Variants in CDC42BPB observed in about 807,000 individuals in gnomAD.
The protein encoded by CDC42BPB is CDC42 binding protein kinase beta, also known as serine/threonine-protein kinase MRCK beta.
CDC42BPB carries 37 observed loss-of-function variants against 214.9 expected under a neutral mutation model. That is an observed-to-expected ratio of 0.17 (90% confidence interval 0.13 to 0.23). The LOEUF (loss-of-function observed/expected upper bound fraction) is 0.23. CDC42BPB is among the 10% of genes least tolerant of loss of function. The pLI is 1.00. For missense variants in CDC42BPB, 1,694 were observed against 2,227.0 expected (o/e 0.76, Z 4.82); for synonymous variants, 931 against 884.0 (o/e 1.05, Z -0.94).
Position 102,968,717 on chromosome 14 carries a change from C to A in CDC42BPB, c.1996-1G>T. The A allele has an allele frequency of 6.2e-7, 1 of 1,613,582 alleles. No individual in the cohort carries two copies. The highest frequency in any genetic ancestry group is 8.5e-7 in the Non-Finnish European group (1 of 1,179,964). On this transcript the variant is annotated splice_acceptor_variant, in intron 14 of 36. Transcript: ENST00000361246. LOFTEE classifies it high-confidence loss of function. ...CCGCTCCCCGGCCTCCTTGCTTCAC[C>A]TGAAGACAAAGGTTAACATAAATTG...
chr14:102,960,630 C>CA (rs1296088901), intron 20 of CDC42BPB, among the ~76,000 whole-genome samples: 1 of 151,900 alleles, frequency 6.6e-6, no homozygotes, highest in African/African-American at 2.4e-5. Context: ...AAACACATAT[C>CA]AAAAAACAAG....
chr14:102,952,595 A>G lies in CDC42BPB; in HGVS notation c.3075T>C (p.Ala1025=). The change falls in exon 24 of 37, where the codon GCT becomes GCC. Residue 1025 remains alanine, a synonymous_variant. Transcript: ENST00000361246. Reference sequence around the variant, plus strand: ...AGAAGGACTTGATGCTGAACTGGTGAGCTTTTGGCTGGAAGGAGAAAATCA... The same window carrying G: ...AGAAGGACTTGATGCTGAACTGGTGGGCTTTTGGCTGGAAGGAGAAAATCA... The part of the protein sequence containing the change: ...ALALAGPKPK[A]HQFSIKSFSS... 1.2e-6 allele frequency: 2 copies of G among 1,613,648 alleles called. No individual in the cohort carries two copies. Among genetic ancestry groups the G allele is most frequent in the Non-Finnish European group, 8.5e-7 (1 of 1,179,698 alleles).
At chr14:102,962,813 T>C (rs1031375305) in intron 20 of CDC42BPB, among the ~76,000 whole-genome samples, 13 of 151,996 alleles carry the variant, frequency 8.6e-5, no homozygotes, top group Admixed American at 2.6e-4. Flanking sequence ...GATTGTGCCA[T>C]TGCACTCCAG....
chr14:102,973,914 G>T, intron 12 of CDC42BPB, 102 bp downstream of exon 12: 1 of 1,395,612 alleles, frequency 7.2e-7, no homozygotes, highest in Non-Finnish European at 9.7e-7. Flanking sequence ...GACAGCCCAT[G>T]GGCAGGAGTC....
chr14:102,965,789 T>C (rs1270451877), intron 18 of CDC42BPB, among the ~76,000 whole-genome samples: 1 of 152,052 alleles, frequency 6.6e-6, no homozygotes, highest in African/African-American at 2.4e-5. Context: ...GAAACCCGTC[T>C]CTACTAAAAT....
At chr14:103,012,038 T>C in intron 2 of CDC42BPB, 59 bp downstream of exon 2, 1 of 1,050,304 alleles carries the variant, frequency 9.5e-7, no homozygotes, top group Non-Finnish European at 1.5e-6. Context: ...AAAGGTGAAA[T>C]GGAAGCTGCT....
At chr14:102,964,699 G>C (rs1893116126) in intron 18 of CDC42BPB, 49 bp from the exon 19 acceptor site, 1 of 1,545,896 alleles carries the variant, frequency 6.5e-7, no homozygotes, top group Admixed American at 2.0e-5. Flanking sequence ...TTATCCGCTT[G>C]TTAAACTAAT....
chr14:103,014,883 GA>G (rs1886367955), intron 1 of CDC42BPB, among the ~76,000 whole-genome samples: 1 of 152,028 alleles, frequency 6.6e-6, no homozygotes, highest in South Asian at 2.1e-4. Context: ...AAAAAACAGT[GA>G]AGACAAAGAC....
rs746141565 is a variant in CDC42BPB, at chr14:102,978,214, G to A, written c.1141-9C>T. 2.5e-6 allele frequency: 4 copies of A among 1,610,124 alleles called. No homozygotes were observed. Among genetic ancestry groups the A allele is most frequent in the Non-Finnish European group, 3.4e-6 (4 of 1,176,466 alleles). ...CCAGGAGGTAATATTTCCTGCATAA[G>A]AACATATACAACACAAATGAAATCT... On this transcript the variant is annotated splice_polypyrimidine_tract_variant and intron_variant, in intron 8 of 36. Coordinates refer to ENST00000361246, the MANE Select transcript of CDC42BPB (RefSeq NM_006035.4).
chr14:103,023,968 C>G (rs35084986), intron 1 of CDC42BPB, among the ~76,000 whole-genome samples: 32,300 of 151,994 alleles, frequency 0.21, 5,559 homozygotes, highest in African/African-American at 0.48. Flanking sequence ...CTGATGGGGG[C>G]GGTGCCCACC....
At chr14:102,954,084 T>C (rs1215930953) in intron 23 of CDC42BPB, 114 bp downstream of exon 23, 8 of 775,322 alleles carry the variant, frequency 1.0e-5, no homozygotes, top group Non-Finnish European at 1.8e-5. Context: ...ACTGTGTGTA[T>C]GCAAAAATGA....
chr14:103,044,983 T>C (rs1888211084), intron 1 of CDC42BPB, among the ~76,000 whole-genome samples: 1 of 151,202 alleles, frequency 6.6e-6, no homozygotes, highest in Non-Finnish European at 1.5e-5. Flanking sequence ...GAGGATCCCT[T>C]GAGCTCTGGA....
At chr14:102,972,602 C>T (rs28668167) in intron 12 of CDC42BPB, among the ~76,000 whole-genome samples, 21,631 of 150,178 alleles carry the variant, frequency 0.14, 3,320 homozygotes, top group African/African-American at 0.39. Flanking sequence ...GGCAGGAGAA[C>T]GGTGTGAACC....
intron 1 of CDC42BPB, among the ~76,000 whole-genome samples, chr14:103,051,550 T>A (rs1888609340): frequency 6.6e-6 from 1 of 152,146 alleles, no homozygotes; most frequent in South Asian, 2.1e-4. Flanking sequence ...ATCACTAATG[T>A]CAGCGCAACC....
chr14:103,055,250 C>A (rs1464700687), intron 1 of CDC42BPB, among the ~76,000 whole-genome samples: 1 of 152,156 alleles, frequency 6.6e-6, no homozygotes. Flanking sequence ...CTGTGAAACC[C>A]CTTCTCCACT....
chr14:102,937,987 C>G (rs1223666731), intron 36 of CDC42BPB, 117 bp downstream of exon 36: 1 of 1,085,470 alleles, frequency 9.2e-7, no homozygotes, highest in Admixed American at 1.7e-5. Context: ...ACCCTCACAC[C>G]GCAAGTGGGG....
chr14:103,041,708 G>A, intron 1 of CDC42BPB: 1 of 556,650 alleles, frequency 1.8e-6, no homozygotes, highest in Non-Finnish European at 3.3e-6. Flanking sequence ...GAGGAGCTCA[G>A]GGTGGCTGGC....
intron 1 of CDC42BPB, among the ~76,000 whole-genome samples, chr14:103,052,294 A>G (rs1364205900): frequency 1.3e-5 from 2 of 152,264 alleles, no homozygotes; most frequent in Non-Finnish European, 2.9e-5. Flanking sequence ...ACATTTCCCT[A>G]TAATTCAGAT....
chr14:102,994,436 G>C (rs1894633652), intron 5 of CDC42BPB, among the ~76,000 whole-genome samples: 1 of 152,154 alleles, frequency 6.6e-6, no homozygotes, highest in Admixed American at 6.5e-5. Context: ...GAGCACTGGA[G>C]GTTCAGGGCA....
Sources: allele counts gnomAD v4.1 joint callset (sites outside exome capture counted in the v4.1 genomes callset), GRCh38; gene constraint gnomAD v4.1.1; transcripts MANE v1.5; gene names NCBI Gene and HGNC (gene_info 2026-07-23, HGNC 2026-07-21).